Variants in FBXO46 observed in about 807,000 individuals in gnomAD.
The protein encoded by FBXO46 is F-box protein 46, also known as F-box only protein 46.
Under a neutral mutation model 30.7 loss-of-function variants are expected in FBXO46, and 13 were observed. The observed-to-expected ratio is 0.42, with a 90% CI of 0.28 to 0.67. The LOEUF (loss-of-function observed/expected upper bound fraction) is 0.67. Ranked by LOEUF, FBXO46 falls within the 30% of genes least tolerant of loss-of-function variation. The probability of loss-of-function intolerance (pLI) is 0.21; values close to 1 mark genes in which losing one functional copy is unlikely to be tolerated. For synonymous variants in FBXO46, 467 were observed against 385.8 expected (o/e 1.21, Z -2.47); for missense variants, 754 against 871.5 (o/e 0.87, Z 1.70).
chr19:45,733,037 C>T (rs1968348038), upstream of FBXO46, among the ~76,000 whole-genome samples: 2 of 152,092 alleles, frequency 1.3e-5, no homozygotes, highest in Admixed American at 6.6e-5. The surrounding 1 kb of genome is among the most constrained non-coding windows in gnomAD (Gnocchi z 5.7). Flanking sequence ...ACACAGGAGG[C>T]CCTCATGAAT....
Position 45,713,596 on chromosome 19 carries a change from G to A in FBXO46, c.-78-23C>T, listed in dbSNP as rs1247284318. 8 of 927,786 alleles carry A rather than the reference G, an allele frequency of 8.6e-6. No individual in the cohort carries two copies. Among genetic ancestry groups the A allele is most frequent in the Non-Finnish European group, 1.1e-5 (7 of 624,082 alleles). 57.5% of individuals were successfully genotyped at this position (927,786 alleles called of 1,614,324 possible). On this transcript the variant is annotated intron_variant, in intron 1 of 1. Coordinates refer to ENST00000317683, the MANE Select transcript of FBXO46 (RefSeq NM_001080469.2). This position sits in a 1 kb window ranked among gnomAD's most constrained non-coding sequence, Gnocchi z 4.7. The stretch of plus-strand genomic sequence containing the variant: ...CACCTGGAGACACGAAGAGGAGGTT[G>A]GGGAGCTAGGGGGACAGCCTTTCTT...
At position 45,711,465 on chromosome 19, in the gene FBXO46, T is replaced by A; in HGVS notation, c.*219A>T. 1 of 685,846 alleles carries A rather than the reference T, an allele frequency of 1.5e-6. No individual in the cohort carries two copies. The highest frequency in any genetic ancestry group is 2.7e-6 in the Non-Finnish European group (1 of 376,070). 42.5% of individuals were successfully genotyped at this position (685,846 alleles called of 1,614,324 possible). On this transcript the variant is annotated 3_prime_UTR_variant, in exon 2 of 2. Transcript: ENST00000317683. The stretch of plus-strand genomic sequence containing the variant: ...GATAAAAAAAAAAAAAACACCCTTC[T>A]CAGAGGGTCCACGGCCCTGGTTCTG...
At chr19:45,718,510 C>G (rs562556509) in intron 1 of FBXO46, among the ~76,000 whole-genome samples, 6 of 152,144 alleles carry the variant, frequency 3.9e-5, no homozygotes, top group African/African-American at 1.4e-4. Context: ...TCAAAGTTAC[C>G]GGGCTCTTGC....
At chr19:45,723,860 A>G (rs1968205326) in intron 1 of FBXO46, among the ~76,000 whole-genome samples, 1 of 151,892 alleles carries the variant, frequency 6.6e-6, no homozygotes, top group Non-Finnish European at 1.5e-5. Flanking sequence ...GGGTTTCACC[A>G]TGTTGGCCAG....
Position 45,711,304 on chromosome 19 carries a change from A to G in FBXO46, c.*380T>C. 1 of 443,882 alleles carries G rather than the reference A, an allele frequency of 2.3e-6. No homozygotes were observed. The highest frequency in any genetic ancestry group is 4.3e-6 in the Non-Finnish European group (1 of 230,710). 27.5% of individuals were successfully genotyped at this position (443,882 alleles called of 1,614,324 possible). A position where few individuals can be genotyped will look rare whatever the true frequency, so the allele number is the denominator to read the frequency against. On this transcript the variant is annotated 3_prime_UTR_variant, in exon 2 of 2. Coordinates refer to ENST00000317683, the MANE Select transcript of FBXO46 (RefSeq NM_001080469.2). The stretch of plus-strand genomic sequence containing the variant: ...GCGAGAAAGAATTGGGGTGAGGGAG[A>G]GGATGGGGGCCAGAATGGGGGGACC...
At chr19:45,726,412 T>C (rs970659373) in intron 1 of FBXO46, among the ~76,000 whole-genome samples, 12 of 151,826 alleles carry the variant, frequency 7.9e-5, no homozygotes, top group Admixed American at 2.6e-4. Flanking sequence ...CTTTGGAAGG[T>C]TGAGGCGGGT....
chr19:45,722,318 G>A (rs200127400), intron 1 of FBXO46, among the ~76,000 whole-genome samples: 1 of 152,166 alleles, frequency 6.6e-6, no homozygotes, highest in African/African-American at 2.4e-5. Flanking sequence ...AGGGCCTGCT[G>A]GATCCCAGCT....
chr19:45,712,214 G>A lies in FBXO46; in HGVS notation c.1282C>T (p.Pro428Ser). The A allele has an allele frequency of 6.2e-7, 1 of 1,605,310 alleles. No homozygotes were observed. The highest frequency in any genetic ancestry group is 8.5e-7 in the Non-Finnish European group (1 of 1,177,182). ...TCGTCTGGGCCGGGCGCAGTGGCCGGGGAGTCGGCCGGGGGTGGCTCCGGG... is the reference window on the plus strand; with the variant it reads ...TCGTCTGGGCCGGGCGCAGTGGCCGAGGAGTCGGCCGGGGGTGGCTCCGGG... ...GPPEPPPADSPATAPGPDDAE... is the reference protein window; with the variant it reads ...GPPEPPPADSSATAPGPDDAE... Residue 428 changes from proline to serine, a missense_variant, in exon 2 of 2, where the codon CCG (proline) becomes TCG (serine). Pro to Ser is a moderately conservative substitution (Grantham distance 74). Around this residue, in one of 5 missense-constraint regions of FBXO46, gnomAD observed 454 missense variants for 426.5 expected, o/e 1.06. Transcript: ENST00000317683. This position sits in a 1 kb window ranked among gnomAD's most constrained non-coding sequence, Gnocchi z 8.8.
In FBXO46 at chr19:45,713,689, T is replaced by C. The variant is rs373132845; in HGVS notation, c.-78-116A>G. The C allele has an allele frequency of 7.6e-4, 384 of 507,870 alleles. 3 individuals carry two copies. Among genetic ancestry groups the C allele is most frequent in the African/African-American group, 4.9e-3 (254 of 51,512 alleles). The allele number at this position is 507,870 out of a possible 1,614,324, so 31.5% of individuals were successfully genotyped here. On this transcript the variant is annotated intron_variant, in intron 1 of 1. Coordinates refer to ENST00000317683, the MANE Select transcript of FBXO46 (RefSeq NM_001080469.2). This position sits in a 1 kb window ranked among gnomAD's most constrained non-coding sequence, Gnocchi z 4.7. ...GACCATCAAGAACTCTATTCCTGGC[T>C]GGGCGCGGTGGCTCACGCCTGTAAT... is the stretch of plus-strand genomic sequence containing the variant.
At chr19:45,732,775 G>A (rs1427456094), upstream of FBXO46, among the ~76,000 whole-genome samples, 2 of 151,596 alleles carry the variant, frequency 1.3e-5, no homozygotes, top group Non-Finnish European at 2.9e-5. Context: ...ATTTTTAGCC[G>A]AGACGGGGTT....
At position 45,712,480 on chromosome 19, in the gene FBXO46, G is replaced by C; in HGVS notation, c.1016C>G (p.Pro339Arg). The change falls in exon 2 of 2, where the codon CCG (proline) becomes CGG (arginine). Residue 339 changes from proline to arginine, a missense_variant. Transcript: ENST00000317683. This position sits in a 1 kb window ranked among gnomAD's most constrained non-coding sequence, Gnocchi z 8.8. ...AGTGTCCTCAGGCCTGGCGGGTGCC[G>C]GGCTGTCACCCTCACTGGCCTCATC... Reference protein sequence around the residue: ...RADEASEGDSPAPARPEDTPP... With the variant: ...RADEASEGDSRAPARPEDTPP... 2 of 1,607,014 alleles carry C rather than the reference G, an allele frequency of 1.2e-6. No individual in the cohort carries two copies. Among genetic ancestry groups the C allele is most frequent in the Non-Finnish European group, 1.7e-6 (2 of 1,176,570 alleles).
chr19:45,722,655 A>G (rs1019875452), intron 1 of FBXO46, among the ~76,000 whole-genome samples: 1 of 152,034 alleles, frequency 6.6e-6, no homozygotes, highest in Non-Finnish European at 1.5e-5. Flanking sequence ...CCAGCTACTC[A>G]GGAGGCTGAG....
chr19:45,731,354 TCACCCAGG>T (rs1000000521), upstream of FBXO46, among the ~76,000 whole-genome samples: 6 of 149,510 alleles, frequency 4.0e-5, no homozygotes, highest in African/African-American at 1.5e-4. Context: ...TCTTGCTCTG[TCACCCAGG>T]CTGGAGTGCA....
intron 1 of FBXO46, among the ~76,000 whole-genome samples, chr19:45,729,054 G>A (rs978806477): frequency 2.0e-5 from 3 of 147,740 alleles, no homozygotes; most frequent in Non-Finnish European, 4.5e-5. Flanking sequence ...AGGTTGCGGT[G>A]AGCCAAGATT....
At chr19:45,715,806 C>CAAAAAAAAAA (rs71175215) in intron 1 of FBXO46, 3 of 79,426 alleles carry the variant, frequency 3.8e-5, no homozygotes, top group African/African-American at 5.5e-5. Flanking sequence ...AACTCCATCT[C>CAAAAAAAAAA]AAAAAAAAAA....
intron 1 of FBXO46, among the ~76,000 whole-genome samples, chr19:45,724,862 A>G (rs1362237158): frequency 6.6e-6 from 1 of 152,042 alleles, no homozygotes; most frequent in African/African-American, 2.4e-5. Context: ...CGTGTTGGCC[A>G]GGCTGGTCAC....
chr19:45,721,644 G>A (rs1200569698), intron 1 of FBXO46, among the ~76,000 whole-genome samples: 1 of 144,972 alleles, frequency 6.9e-6, no homozygotes, highest in African/African-American at 2.6e-5. Flanking sequence ...CCTCTGCCTC[G>A]TGGGTTCAAG....
chr19:45,721,000 CAAAAA>C (rs11326838), intron 1 of FBXO46, among the ~76,000 whole-genome samples: 3 of 107,636 alleles, frequency 2.8e-5, no homozygotes. Flanking sequence ...GACTCTCAGC[CAAAAA>C]AAAAAAAAAA....
At chr19:45,724,770 T>C (rs766568599) in intron 1 of FBXO46, among the ~76,000 whole-genome samples, 6 of 152,174 alleles carry the variant, frequency 3.9e-5, no homozygotes, top group Admixed American at 6.5e-5. Flanking sequence ...TTCTTGTGCC[T>C]CAGCCTCCCG....
Sources: allele counts gnomAD v4.1 joint callset (sites outside exome capture counted in the v4.1 genomes callset), GRCh38; gene constraint gnomAD v4.1.1; regional missense constraint gnomAD v4.1.1; non-coding constraint Gnocchi (gnomAD v3.1); transcripts MANE v1.5; gene names NCBI Gene and HGNC (gene_info 2026-07-23, HGNC 2026-07-21).